MARCHF11: variants seen among roughly 807,000 people sequenced by gnomAD.
The protein encoded by MARCHF11 is E3 ubiquitin-protein ligase MARCHF11.
A neutral mutation model predicts 37.3 loss-of-function variants in MARCHF11; 29 were observed. The ratio of observed to expected loss-of-function variants is 0.78; its 90% CI spans 0.58 to 1.06. The LOEUF (loss-of-function observed/expected upper bound fraction) is 1.06, where lower values mean the gene tolerates loss of function less well. Ranked by LOEUF, MARCHF11 falls within the 50% of genes least tolerant of loss-of-function variation. The pLI, the probability that MARCHF11 is intolerant of heterozygous loss-of-function variation, is 0.00. For synonymous variants in MARCHF11, 233 were observed against 228.0 expected (o/e 1.02, Z -0.20); for missense variants, 482 against 533.4 (o/e 0.90, Z 0.95).
chr5:16,126,339 A>C (rs1172643876), intron 2 of MARCHF11, among the ~76,000 whole-genome samples: 5 of 152,224 alleles, frequency 3.3e-5, no homozygotes, highest in Non-Finnish European at 7.3e-5. Flanking sequence ...CATGCCAAGA[A>C]TGTATCATAT....
chr5:16,117,010 A>C (rs1049171092), intron 2 of MARCHF11, among the ~76,000 whole-genome samples: 3 of 152,330 alleles, frequency 2.0e-5, no homozygotes, highest in East Asian at 3.9e-4. Flanking sequence ...CATGCTGGAG[A>C]TTTTAATTTT....
intron 2 of MARCHF11, among the ~76,000 whole-genome samples, chr5:16,159,340 T>C (rs1738034535): frequency 1.3e-5 from 2 of 151,982 alleles, no homozygotes; most frequent in African/African-American, 2.4e-5. Context: ...TGATAGAGCA[T>C]AGCATTCCTT....
At position 16,179,321 on chromosome 5, in the gene MARCHF11, C is replaced by T; in HGVS notation, c.255G>A (p.Pro85=). 1 of 1,236,768 alleles carries T rather than the reference C, an allele frequency of 8.1e-7. No homozygotes were observed. Among genetic ancestry groups the T allele is most frequent in the Non-Finnish European group, 1.0e-6 (1 of 990,414 alleles). 76.6% of individuals were successfully genotyped at this position (1,236,768 alleles called of 1,614,324 possible). A position where few individuals can be genotyped will look rare whatever the true frequency, so the allele number is the denominator to read the frequency against. ...GGCCGGCGGGCTGCAGGGGCAGGGGCGGAGGCGGCAGCTCGTCCGCTCCCC... is the reference window on the plus strand; with the variant it reads ...GGCCGGCGGGCTGCAGGGGCAGGGGTGGAGGCGGCAGCTCGTCCGCTCCCC... ...RCRGADELPP[P]PLPLQPAGQE... is the part of the protein sequence containing the mutation. Residue 85 remains proline, a synonymous_variant, in exon 1 of 4, where the codon CCG becomes CCA. Transcript: ENST00000332432.
intron 2 of MARCHF11, among the ~76,000 whole-genome samples, chr5:16,115,112 T>C (rs1737208598): frequency 6.6e-6 from 1 of 152,208 alleles, no homozygotes. Flanking sequence ...CAGTATCATT[T>C]GTAACGGAAG....
At chr5:16,140,562 A>T (rs1187805332) in intron 2 of MARCHF11, among the ~76,000 whole-genome samples, 1 of 152,234 alleles carries the variant, frequency 6.6e-6, no homozygotes, top group East Asian at 1.9e-4. Flanking sequence ...AATGCTATTT[A>T]CAATACATAT....
intron 2 of MARCHF11, among the ~76,000 whole-genome samples, chr5:16,138,766 A>T (rs571999464): frequency 6.6e-5 from 10 of 152,346 alleles, no homozygotes; most frequent in African/African-American, 2.4e-4. Context: ...TAACCTGGAT[A>T]TGAGACATGG....
At position 16,091,200 on chromosome 5, in the gene MARCHF11, C is replaced by T. The variant is rs772053327; in HGVS notation, c.694-119G>A. 3.0e-5 allele frequency: 21 copies of T among 698,734 alleles called. No homozygotes were observed. The Middle Eastern group carries it at 1.3e-3, about 43-fold the overall frequency. The allele number at this position is 698,734 out of a possible 1,614,324, so 43.3% of individuals were successfully genotyped here. The stretch of plus-strand genomic sequence containing the variant: ...TAGACCCTTTGAAATCTGATGAGAC[C>T]CCAAATGAATTTTTTCATTTCATCC... On this transcript the variant is annotated intron_variant, in intron 2 of 3. Coordinates refer to ENST00000332432, the MANE Select transcript of MARCHF11 (RefSeq NM_001102562.3).
chr5:16,170,740 C>G (rs1356329262), intron 2 of MARCHF11, among the ~76,000 whole-genome samples: 1 of 152,120 alleles, frequency 6.6e-6, no homozygotes, highest in Non-Finnish European at 1.5e-5. Context: ...ATAATGTGCT[C>G]TAAAACCTGT....
chr5:16,116,801 T>A (rs6877136), intron 2 of MARCHF11, among the ~76,000 whole-genome samples: 1 of 152,036 alleles, frequency 6.6e-6, no homozygotes, highest in Non-Finnish European at 1.5e-5. Context: ...TTGGGGAAAA[T>A]GCATGAACAG....
intron 2 of MARCHF11, among the ~76,000 whole-genome samples, chr5:16,137,284 A>G (rs888067463): frequency 8.5e-5 from 13 of 152,188 alleles, no homozygotes; most frequent in African/African-American, 3.1e-4. Context: ...TCATAAGGGC[A>G]GGATTTTCCC....
chr5:16,170,360 T>C (rs1738243856), intron 2 of MARCHF11, among the ~76,000 whole-genome samples: 1 of 144,052 alleles, frequency 6.9e-6, no homozygotes, highest in Non-Finnish European at 1.5e-5. Flanking sequence ...CAGATATGTC[T>C]CACTGGAAGC....
intron 2 of MARCHF11, among the ~76,000 whole-genome samples, chr5:16,150,073 C>A (rs1260517324): frequency 6.7e-6 from 1 of 149,328 alleles, no homozygotes; most frequent in Non-Finnish European, 1.5e-5. Context: ...GAAACTTCCT[C>A]TGTCTTGATC....
chr5:16,090,670 G>A (rs150728801), intron 3 of MARCHF11, among the ~76,000 whole-genome samples: 290 of 151,826 alleles, frequency 1.9e-3, no homozygotes, highest in African/African-American at 6.6e-3. Flanking sequence ...CACTTTAAAT[G>A]GGCATTATCC....
chr5:16,176,326 T>A lies in MARCHF11; in HGVS notation c.693+1400A>T, dbSNP rs1021072594. ...TCTCATTTCTTATTTTCCCACATAC[T>A]TCTACTGATAAAACTGTTGTAGATC... On this transcript the variant is annotated intron_variant, in intron 2 of 3. Coordinates refer to ENST00000332432, the MANE Select transcript of MARCHF11 (RefSeq NM_001102562.3). 3.7e-4 allele frequency among the ~76,000 whole-genome samples: 57 copies of A among 152,300 alleles called. 1 individual carries two copies. In the Middle Eastern group the frequency reaches 0.014, roughly 36 times the overall value.
chr5:16,179,254 G>T lies in MARCHF11; in HGVS notation c.322C>A (p.Arg108Ser), dbSNP rs1738422925. The T allele has an allele frequency of 7.5e-7, 1 of 1,335,468 alleles. No homozygotes were observed. Among genetic ancestry groups the T allele is most frequent in the Non-Finnish European group, 9.6e-7 (1 of 1,041,796 alleles). The allele number at this position is 1,335,468 out of a possible 1,614,324, so 82.7% of individuals were successfully genotyped here. Residue 108 changes from arginine (R) to serine (S), a missense_variant, in exon 1 of 4, where the codon CGC becomes AGC. Transcript: ENST00000332432. ...TTCGCTGCTGCCGCCTCCGGGAGGC[G>T]CCTCGGACCTTCCCCGGAGTCGCCG... Reference protein sequence around the residue: ...AAGDSGEGPRRLPEAAAAKGG... With the variant: ...AAGDSGEGPRSLPEAAAAKGG...
rs137865822 is a variant in MARCHF11 at position 16,134,998 on chromosome 5, T to TCTCACACACA, written c.693+42727_693+42728insTGTGTGTGAG. ...TGATTTCTCTCTCTCTCTCTCTCTCTCACACACACACACACACACACACAC... is the reference window on the plus strand; with the variant it reads ...TGATTTCTCTCTCTCTCTCTCTCTCTCTCACACACACACACACACACACACACACACACAC... On this transcript the variant is annotated intron_variant, in intron 2 of 3. Transcript: ENST00000332432. Among the ~76,000 whole-genome samples the TCTCACACACA allele has an allele frequency of 8.9e-3, 1,273 of 143,762 alleles. 10 individuals are homozygous for TCTCACACACA. The highest frequency in any genetic ancestry group is 0.013 in the African/African-American group (518 of 38,872). The allele number at this position is 143,762 out of a possible 152,430, so 94.3% of individuals were successfully genotyped here.
chr5:16,083,160 G>T (rs1228710139), intron 3 of MARCHF11, among the ~76,000 whole-genome samples: 7 of 152,144 alleles, frequency 4.6e-5, no homozygotes, highest in African/African-American at 1.7e-4. Flanking sequence ...TGAGATGCAC[G>T]GGGCTGTTGG....
intron 2 of MARCHF11, among the ~76,000 whole-genome samples, chr5:16,111,585 A>G (rs1737137562): frequency 6.6e-6 from 1 of 152,206 alleles, no homozygotes; most frequent in African/African-American, 2.4e-5. Flanking sequence ...TTTAAAAGGG[A>G]AACAGAGCAT....
chr5:16,154,897 A>T (rs1737943279), intron 2 of MARCHF11, among the ~76,000 whole-genome samples: 1 of 151,896 alleles, frequency 6.6e-6, no homozygotes, highest in African/African-American at 2.4e-5. Flanking sequence ...GGAGGCTCAT[A>T]CCAGCACACT....
Sources: gnomAD v4.1 joint callset for allele counts (sites outside exome capture counted in the v4.1 genomes callset) on GRCh38, gnomAD v4.1.1 for gene constraint, MANE v1.5 for transcripts, NCBI Gene and HGNC (gene_info 2026-07-23, HGNC 2026-07-21) for gene names.